STXBP6: variants seen among roughly 807,000 people sequenced by gnomAD.
STXBP6 encodes syntaxin-binding protein 6.
In STXBP6, 21 loss-of-function variants were observed where a neutral mutation model predicts 26.9. The observed-to-expected ratio is 0.78, with a 90% CI of 0.55 to 1.12. STXBP6 has a LOEUF of 1.12. Ranked by LOEUF, STXBP6 falls within the 50% of genes most tolerant of loss-of-function variation. The pLI is 0.00. For synonymous variants in STXBP6, 97 were observed against 92.6 expected (o/e 1.05, Z -0.27); for missense variants, 232 against 257.9 (o/e 0.90, Z 0.69).
intron 2 of STXBP6, among the ~76,000 whole-genome samples, chr14:24,883,180 A>ATGGT (rs2070437394): frequency 6.6e-6 from 1 of 152,214 alleles, no homozygotes; most frequent in Non-Finnish European, 1.5e-5. Context: ...ACACATAGAT[A>ATGGT]TGGTGTTCCT....
chr14:24,890,695 T>A (rs961525047), intron 2 of STXBP6, among the ~76,000 whole-genome samples: 1 of 152,210 alleles, frequency 6.6e-6, no homozygotes, highest in African/African-American at 2.4e-5. Context: ...TAGAGGATAC[T>A]GGAATCTAGA....
intron 2 of STXBP6, among the ~76,000 whole-genome samples, chr14:24,891,219 C>T (rs555437985): frequency 2.0e-5 from 3 of 152,212 alleles, no homozygotes; most frequent in South Asian, 2.1e-4. Context: ...TTCCACAAAC[C>T]GTGGAGTCCT....
chr14:25,033,724 C>A (rs1373593400), intron 1 of STXBP6, among the ~76,000 whole-genome samples: 1 of 151,828 alleles, frequency 6.6e-6, no homozygotes, highest in African/African-American at 2.4e-5. Context: ...CAAACATGTA[C>A]CCCCCTGGAG....
intron 2 of STXBP6, among the ~76,000 whole-genome samples, chr14:24,897,414 AAAAAAAAAAAAAAGG>A (rs1337117009): frequency 2.7e-5 from 3 of 111,076 alleles, no homozygotes; most frequent in African/African-American, 6.2e-5. Context: ...TGTCTCAAAA[AAAAAAAAAAAAAAGG>A]AAAAAAAAAA....
At chr14:24,970,292 C>A (rs186583341) in intron 2 of STXBP6, among the ~76,000 whole-genome samples, 5 of 151,532 alleles carry the variant, frequency 3.3e-5, no homozygotes, top group Admixed American at 2.6e-4. Context: ...TAATAAAATA[C>A]AACCACTTTA....
intron 4 of STXBP6, among the ~76,000 whole-genome samples, chr14:24,824,422 T>C (rs1322194605): frequency 6.6e-6 from 1 of 152,192 alleles, no homozygotes; most frequent in Non-Finnish European, 1.5e-5. Flanking sequence ...TAAGTAATCA[T>C]GACGATATTA....
At chr14:24,994,769 G>A (rs1245627613) in intron 1 of STXBP6, 1 of 152,264 alleles carries the variant, frequency 6.6e-6, no homozygotes, top group African/African-American at 2.4e-5. Context: ...AGCACTTTGG[G>A]AGGCTGAGGC....
chr14:24,827,394 G>C (rs945857436), intron 4 of STXBP6, among the ~76,000 whole-genome samples: 9 of 152,094 alleles, frequency 5.9e-5, no homozygotes, highest in African/African-American at 2.2e-4. Flanking sequence ...GTCTATATTT[G>C]TCTGCTTCAC....
At chr14:24,835,296 G>A (rs758759821) in intron 4 of STXBP6, among the ~76,000 whole-genome samples, 1 of 152,056 alleles carries the variant, frequency 6.6e-6, no homozygotes, top group Non-Finnish European at 1.5e-5. Context: ...TGTTTTATTT[G>A]TTAAGCCACT....
In STXBP6 at chr14:24,931,994, G is replaced by A. The variant is rs544142729; in HGVS notation, c.154+42671C>T. ...CCAATGTGGCTGGAGCAGCCCATAA[G>A]GCGATAAAGGGTAAGAGAGAAGACA... On this transcript the variant is annotated intron_variant, in intron 2 of 5. Coordinates refer to ENST00000323944, the MANE Select transcript of STXBP6 (RefSeq NM_001394410.1). 3.0e-4 allele frequency among the ~76,000 whole-genome samples: 46 copies of A among 152,282 alleles called. No homozygotes were observed. In the South Asian group the frequency reaches 8.7e-3, roughly 29 times the overall value.
chr14:24,863,118 G>A (rs1233848546), intron 2 of STXBP6, among the ~76,000 whole-genome samples: 1 of 151,996 alleles, frequency 6.6e-6, no homozygotes, highest in African/African-American at 2.4e-5. Flanking sequence ...TCAAGTAAAT[G>A]ACAGGTAGTC....
chr14:24,916,370 G>T (rs2071765411), intron 2 of STXBP6, among the ~76,000 whole-genome samples: 1 of 152,100 alleles, frequency 6.6e-6, no homozygotes, highest in East Asian at 1.9e-4. Flanking sequence ...ACCTTTCTGA[G>T]TCATGATGTT....
At position 24,993,999 on chromosome 14, in the gene STXBP6, A is replaced by G. The variant is rs1002150897; in HGVS notation, c.-32-19149T>C. ...ATGGCAGCTGCTTCCTGGAGTTACCAGTCTCTCTCTATGTATAGCCTCTGC... is the reference window on the plus strand; with the variant it reads ...ATGGCAGCTGCTTCCTGGAGTTACCGGTCTCTCTCTATGTATAGCCTCTGC... On this transcript the variant is annotated intron_variant, in intron 1 of 5. Transcript: ENST00000323944. Among the ~76,000 whole-genome samples the G allele has an allele frequency of 2.6e-5, 4 of 152,268 alleles. 1 individual carries two copies. In the East Asian group the frequency reaches 5.8e-4, roughly 22 times the overall value.
At chr14:25,035,355 T>A (rs1453112293) in intron 1 of STXBP6, among the ~76,000 whole-genome samples, 1 of 152,132 alleles carries the variant, frequency 6.6e-6, no homozygotes, top group East Asian at 1.9e-4. Flanking sequence ...GGTCCTTTAC[T>A]CCTCCTGTCA....
At chr14:24,961,312 G>T (rs2073529287) in intron 2 of STXBP6, among the ~76,000 whole-genome samples, 1 of 151,850 alleles carries the variant, frequency 6.6e-6, no homozygotes, top group Non-Finnish European at 1.5e-5. Context: ...ATAACTATTG[G>T]GTAATAGGCT....
chr14:24,837,051 G>T (rs750072910), intron 4 of STXBP6, among the ~76,000 whole-genome samples: 2 of 152,118 alleles, frequency 1.3e-5, no homozygotes, highest in Non-Finnish European at 2.9e-5. Flanking sequence ...ATTATTAGAG[G>T]TTACAGAGTA....
intron 2 of STXBP6, among the ~76,000 whole-genome samples, chr14:24,870,216 G>A (rs544875738): frequency 2.6e-5 from 4 of 152,222 alleles, no homozygotes; most frequent in African/African-American, 9.6e-5. Flanking sequence ...ACTCTGCATT[G>A]GAAGGTAACC....
At chr14:24,947,243 C>A (rs1020091167) in intron 2 of STXBP6, among the ~76,000 whole-genome samples, 6 of 152,044 alleles carry the variant, frequency 3.9e-5, no homozygotes, top group Admixed American at 3.9e-4. Context: ...TTTTCTGATT[C>A]TCTGGGACCA....
At chr14:24,931,896 C>A (rs1348653831) in intron 2 of STXBP6, among the ~76,000 whole-genome samples, 3 of 151,940 alleles carry the variant, frequency 2.0e-5, no homozygotes, top group Non-Finnish European at 4.4e-5. Flanking sequence ...AGGAGGCTAA[C>A]AAAATACACA....
Sources: gnomAD v4.1 joint callset for allele counts (sites outside exome capture counted in the v4.1 genomes callset) on GRCh38, gnomAD v4.1.1 for gene constraint, MANE v1.5 for transcripts, NCBI Gene and HGNC (gene_info 2026-07-23, HGNC 2026-07-21) for gene names.